Variants in LRRC42 observed in about 807,000 individuals in gnomAD.
The protein encoded by LRRC42 is leucine-rich repeat-containing protein 42.
LRRC42 carries 43 observed loss-of-function variants against 44.3 expected under a neutral mutation model. That is an observed-to-expected ratio of 0.97 (90% CI 0.76 to 1.25). LRRC42 has a LOEUF of 1.25. LRRC42 is among the 50% of genes most tolerant of loss of function. The pLI is 0.00. For missense variants in LRRC42, 540 were observed against 509.1 expected, an observed-to-expected ratio of 1.06 and a Z score of -0.58; for synonymous variants, 207 against 195.2, an observed-to-expected ratio of 1.06 and a Z score of -0.50.
At chr1:53,958,593 A>AT (rs34561211) in intron 4 of LRRC42, among the ~76,000 whole-genome samples, 6 of 151,404 alleles carry the variant, frequency 4.0e-5, no homozygotes, top group Non-Finnish European at 5.9e-5. Context: ...TTTTATTTTT[A>AT]TTTTTTTTGG....
At chr1:53,967,012 A>T (rs564050331) in intron 8 of LRRC42, among the ~76,000 whole-genome samples, 1 of 152,280 alleles carries the variant, frequency 6.6e-6, no homozygotes, top group South Asian at 2.1e-4. Context: ...AGTTCTGGAG[A>T]TGGATGGTGA....
Position 53,966,391 on chromosome 1 carries a change from C to T in LRRC42, c.1012+11C>T. 6.2e-7 allele frequency: 1 copy of T among 1,607,928 alleles called. No individual in the cohort carries two copies. The highest frequency in any genetic ancestry group is 2.2e-5 in the East Asian group (1 of 44,836). On this transcript the variant is annotated intron_variant, in intron 8 of 8. Transcript: ENST00000371370. ...CAGCTCAGCGCTTCTGTGAGAAATT[C>T]CCTTTCCTTTGAAGTTTTTTGCCCT...
intron 3 of LRRC42, among the ~76,000 whole-genome samples, chr1:53,955,069 G>A (rs1485829218): frequency 1.3e-5 from 2 of 152,114 alleles, no homozygotes; most frequent in Admixed American, 6.5e-5. Flanking sequence ...GAAATATTAT[G>A]TAACTATTAA....
chr1:53,953,291 G>T (rs1654743687), intron 3 of LRRC42, among the ~76,000 whole-genome samples: 1 of 152,170 alleles, frequency 6.6e-6, no homozygotes, highest in African/African-American at 2.4e-5. Context: ...GCAGCATGCT[G>T]CATACACTCT....
intron 3 of LRRC42, among the ~76,000 whole-genome samples, chr1:53,953,855 C>T (rs1349895607): frequency 6.6e-6 from 1 of 152,084 alleles, no homozygotes; most frequent in Non-Finnish European, 1.5e-5. Flanking sequence ...ACTCAGCCTC[C>T]TAAGTAGCTG....
intron 7 of LRRC42, among the ~76,000 whole-genome samples, chr1:53,966,040 C>G (rs1201366487): frequency 2.0e-5 from 3 of 152,176 alleles, no homozygotes; most frequent in Non-Finnish European, 4.4e-5. Flanking sequence ...TGAAAATAGA[C>G]AGTGAAATCA....
intron 3 of LRRC42, among the ~76,000 whole-genome samples, chr1:53,954,752 T>G (rs185257236): frequency 6.6e-6 from 1 of 152,344 alleles, no homozygotes; most frequent in East Asian, 1.9e-4. Context: ...AGTGGTAGAT[T>G]GGTCAGATTG....
intron 7 of LRRC42, 107 bp from the exon 8 acceptor site, chr1:53,966,189 C>T: frequency 1.3e-6 from 1 of 795,112 alleles, no homozygotes; most frequent in Non-Finnish European, 2.1e-6. Context: ...GTTAAATTTA[C>T]CAGAGGGGTT....
chr1:53,953,060 T>C (rs1654737175), intron 3 of LRRC42, among the ~76,000 whole-genome samples: 1 of 152,238 alleles, frequency 6.6e-6, no homozygotes, highest in South Asian at 2.1e-4. Context: ...TCAAAACATC[T>C]AATTTTTTAA....
intron 3 of LRRC42, among the ~76,000 whole-genome samples, chr1:53,952,720 ATAT>A (rs945484239): frequency 3.3e-5 from 5 of 152,330 alleles, no homozygotes; most frequent in South Asian, 4.1e-4. Flanking sequence ...TAAGTAGAAA[ATAT>A]TATTCTAACA....
chr1:53,950,396 G>A (rs546161979), intron 2 of LRRC42, among the ~76,000 whole-genome samples: 185 of 152,316 alleles, frequency 1.2e-3, no homozygotes, highest in African/African-American at 4.1e-3. Flanking sequence ...TCTCTCATGT[G>A]CTTTTATACA....
intron 5 of LRRC42, among the ~76,000 whole-genome samples, chr1:53,961,245 T>G (rs1310821793): frequency 6.6e-6 from 1 of 152,040 alleles, no homozygotes; most frequent in East Asian, 1.9e-4. Flanking sequence ...CCGTCTCTAC[T>G]AAAAAGATAC....
Position 53,956,010 on chromosome 1 carries a change from C to A in LRRC42, c.474-2139C>A, listed in dbSNP as rs1471132553. ...CAAATGTAAGACTTTCAGTTGTTATCAAAAACCTCTCTTCTCCTTTTGAAT... is the reference window on the plus strand; with the variant it reads ...CAAATGTAAGACTTTCAGTTGTTATAAAAAACCTCTCTTCTCCTTTTGAAT... On this transcript the variant is annotated intron_variant, in intron 3 of 8. Transcript: ENST00000371370. Among the ~76,000 whole-genome samples the A allele has an allele frequency of 2.6e-5, 4 of 152,202 alleles. No individual in the cohort carries two copies. In the East Asian group the frequency reaches 7.7e-4, roughly 29 times the overall value.
At chr1:53,951,527 C>T (rs1654679922) in intron 2 of LRRC42, among the ~76,000 whole-genome samples, 2 of 152,136 alleles carry the variant, frequency 1.3e-5, no homozygotes, top group East Asian at 1.9e-4. Context: ...CGGGTTCAAG[C>T]GATTCTCTTG....
Position 53,962,133 on chromosome 1 carries a change from T to C in LRRC42, c.813+11T>C. 1.9e-6 allele frequency: 3 copies of C among 1,603,602 alleles called. No homozygotes were observed. Among genetic ancestry groups the C allele is most frequent in the Admixed American group, 1.7e-5 (1 of 59,336 alleles). On this transcript the variant is annotated intron_variant, in intron 6 of 8. Coordinates refer to ENST00000371370, the MANE Select transcript of LRRC42 (RefSeq NM_001256409.2). ...GGGACAGGGCTCAAGGTAAGACTTT[T>C]GGTTCCTTCTCTCATTTTTCTAGAC...
chr1:53,958,157 T>G lies in LRRC42; in HGVS notation c.482T>G (p.Val161Gly), dbSNP rs1654894259. Reference sequence around the variant, plus strand: ...CTCTCCACGCTCCGTAGGTATCTCGTGATTTCAGAAAAGCTTGAGGAGATT... The same window carrying G: ...CTCTCCACGCTCCGTAGGTATCTCGGGATTTCAGAAAAGCTTGAGGAGATT... ...CSLCLRNRYL[V>G]ISEKLEEIKS... The change falls in exon 4 of 9, where the codon GTG becomes GGG. Residue 161 changes from valine (V) to glycine (G), a missense_variant. Physicochemically the swap from Val to Gly is moderately radical, Grantham distance 109 (BLOSUM62 -3). Transcript: ENST00000371370. 1.2e-6 allele frequency: 2 copies of G among 1,613,704 alleles called. No individual in the cohort carries two copies. Among genetic ancestry groups the G allele is most frequent in the Non-Finnish European group, 1.7e-6 (2 of 1,179,816 alleles).
chr1:53,958,314 T>G (rs1654901030), intron 4 of LRRC42, 34 bp downstream of exon 4: 1 of 1,610,176 alleles, frequency 6.2e-7, no homozygotes, highest in South Asian at 1.1e-5. Context: ...GATGAATTGT[T>G]TCAGTATTGT....
intron 5 of LRRC42, among the ~76,000 whole-genome samples, chr1:53,960,780 C>G (rs1654974586): frequency 6.6e-6 from 1 of 152,196 alleles, no homozygotes; most frequent in Non-Finnish European, 1.5e-5. Flanking sequence ...TTTGACTCAT[C>G]TTTATTTTCC....
At chr1:53,957,998 C>A in intron 3 of LRRC42, 151 bp from the exon 4 acceptor site, 1 of 844,206 alleles carries the variant, frequency 1.2e-6, no homozygotes, top group Non-Finnish European at 1.6e-6. Flanking sequence ...AAAATTCAGC[C>A]TTTGCCCTGA....
Sources: gnomAD v4.1 joint callset for allele counts (sites outside exome capture counted in the v4.1 genomes callset) on GRCh38, gnomAD v4.1.1 for gene constraint, MANE v1.5 for transcripts, NCBI Gene and HGNC (gene_info 2026-07-23, HGNC 2026-07-21) for gene names.